The following KCNQ2 variants were observed in gnomAD, a reference collection of about 807,000 sequenced individuals.
The protein encoded by KCNQ2 is potassium voltage-gated channel subfamily KQT member 2.
In KCNQ2, 14 loss-of-function variants were observed where a neutral mutation model predicts 84.8. The observed-to-expected ratio is 0.17, with a 90% confidence interval of 0.11 to 0.26. The LOEUF (loss-of-function observed/expected upper bound fraction) is 0.26, where lower values mean the gene tolerates loss of function less well. Among genes scored for constraint, KCNQ2 ranks in the 10% least tolerant of loss-of-function variants. KCNQ2 has a pLI of 1.00. For missense variants in KCNQ2, 788 were observed against 1,254.0 expected (o/e 0.63, Z 5.61); for synonymous variants, 599 against 554.1 (o/e 1.08, Z -1.14).
chr20:63,445,123 G>T (rs899208384), intron 3 of KCNQ2, 115 bp downstream of exon 3: 8 of 1,401,292 alleles, frequency 5.7e-6, no homozygotes, highest in Non-Finnish European at 8.0e-6. Flanking sequence ...TCCAGAAGGA[G>T]CCAGTCCTGC....
At chr20:63,428,317 C>T (rs768959578) in intron 10 of KCNQ2, 50 bp downstream of exon 10, 2 of 1,441,416 alleles carry the variant, frequency 1.4e-6, no homozygotes, top group African/African-American at 2.8e-5. Context: ...GCTGGGGCCC[C>T]CAGGAGGACT....
chr20:63,441,768 A>T (rs955910253), intron 5 of KCNQ2, among the ~76,000 whole-genome samples: 1 of 152,210 alleles, frequency 6.6e-6, no homozygotes, highest in Non-Finnish European at 1.5e-5. Context: ...GGTCTCATGA[A>T]ATTAATAAAA....
Position 63,401,051 on chromosome 20 carries a change from G to A in KCNQ2, c.*5593C>T, listed in dbSNP as rs934136371. On this transcript the variant is annotated 3_prime_UTR_variant, in exon 17 of 17. Coordinates refer to ENST00000359125, the MANE Select transcript of KCNQ2 (RefSeq NM_172107.4). Reference sequence around the variant, plus strand: ...CGGGGACCGGCCCCTCCTTGCTGGCGCCTGGCCGAGAGTCAGACGCTGAGG... The same window carrying A: ...CGGGGACCGGCCCCTCCTTGCTGGCACCTGGCCGAGAGTCAGACGCTGAGG... The A allele has an allele frequency of 2.8e-5, 11 of 394,894 alleles. No individual in the cohort carries two copies. Among genetic ancestry groups the A allele is most frequent in the East Asian group, 7.2e-5 (2 of 27,902 alleles). The allele number at this position is 394,894 out of a possible 1,614,324, so 24.5% of individuals were successfully genotyped here.
At position 63,446,573 on chromosome 20, in the gene KCNQ2, T is replaced by C. The variant is rs139749415; in HGVS notation, c.387+174A>G. ...TTACAGCCAGGGTGGGGCTGGGGCA[T>C]AGCCCGGGCTGTGGGGCTGGGGGCA... is the stretch of plus-strand genomic sequence containing the variant. On this transcript the variant is annotated intron_variant, in intron 2 of 16. Coordinates refer to ENST00000359125, the MANE Select transcript of KCNQ2 (RefSeq NM_172107.4). The surrounding 1 kb of genome is among the most constrained non-coding windows in gnomAD (Gnocchi z 5.5). 1.7e-3 allele frequency among the ~76,000 whole-genome samples: 256 copies of C among 151,956 alleles called. 1 individual carries two copies. The highest frequency in any genetic ancestry group is 5.7e-3 in the African/African-American group (238 of 41,436).
chr20:63,419,405 G>T (rs918689539), intron 12 of KCNQ2, among the ~76,000 whole-genome samples: 1 of 152,238 alleles, frequency 6.6e-6, no homozygotes, highest in Non-Finnish European at 1.5e-5. Flanking sequence ...ATCGCCTGGC[G>T]TGGGGAGCAA....
chr20:63,437,993 A>G (rs1440494447), intron 7 of KCNQ2, among the ~76,000 whole-genome samples: 1 of 152,090 alleles, frequency 6.6e-6, no homozygotes, highest in Non-Finnish European at 1.5e-5. Context: ...TATTTTTAGG[A>G]GAGACAGGGT....
At chr20:63,443,138 TC>T (rs2081280963) in intron 4 of KCNQ2, among the ~76,000 whole-genome samples, 1 of 20,330 alleles carries the variant, frequency 4.9e-5, no homozygotes, top group Non-Finnish European at 9.3e-5. Flanking sequence ...ACCACCATCA[TC>T]ACCACCACCA....
chr20:63,420,799 G>A (rs942466036), intron 11 of KCNQ2, among the ~76,000 whole-genome samples: 6 of 151,616 alleles, frequency 4.0e-5, no homozygotes, highest in African/African-American at 9.7e-5. Flanking sequence ...CCCCCGTGCC[G>A]GTCCGGCTTT....
intron 15 of KCNQ2, chr20:63,413,194 C>G: frequency 3.7e-6 from 2 of 538,946 alleles, no homozygotes; most frequent in Non-Finnish European, 7.0e-6. Context: ...CATGCACACA[C>G]ACATTTTCAG....
intron 12 of KCNQ2, 54 bp downstream of exon 12, chr20:63,419,560 AGGGAG>A: frequency 6.6e-7 from 1 of 1,521,762 alleles, no homozygotes; most frequent in Admixed American, 1.9e-5. Context: ...TCTAGTAAGC[AGGGAG>A]GGGCAGAGGA....
At chr20:63,461,369 T>C (rs1468412505) in intron 1 of KCNQ2, among the ~76,000 whole-genome samples, 5 of 152,138 alleles carry the variant, frequency 3.3e-5, no homozygotes, top group Non-Finnish European at 7.4e-5. Flanking sequence ...GCCGGTCGTG[T>C]ACCTTGCCCC....
At chr20:63,432,736 T>TCAGGGAAGGCTCCACCCA (rs1568914318) in intron 8 of KCNQ2, among the ~76,000 whole-genome samples, 1 of 90,464 alleles carries the variant, frequency 1.1e-5, no homozygotes, top group African/African-American at 3.9e-5. Flanking sequence ...GGCTCCACCC[T>TCAGGGAAGGCTCCACCCA]CAGGGAAGGC....
At chr20:63,440,305 G>A (rs932961) in intron 5 of KCNQ2, among the ~76,000 whole-genome samples, 84,758 of 151,964 alleles carry the variant, frequency 0.56, 24,037 homozygotes, top group African/African-American at 0.65. Flanking sequence ...GGGTCCCGGT[G>A]AGCCCAGGAG....
At chr20:63,454,239 G>A (rs1025237981) in intron 1 of KCNQ2, among the ~76,000 whole-genome samples, 4 of 152,186 alleles carry the variant, frequency 2.6e-5, no homozygotes, top group Non-Finnish European at 4.4e-5. Context: ...TCGCCGGCCC[G>A]CAGACCCTGC....
At chr20:63,467,470 G>A (rs146504066) in intron 1 of KCNQ2, among the ~76,000 whole-genome samples, 206 of 152,192 alleles carry the variant, frequency 1.4e-3, no homozygotes, top group Middle Eastern at 0.01. Context: ...GCTCCTCTAC[G>A]GCTGTGGAAT....
chr20:63,406,632 C>T lies in KCNQ2; in HGVS notation c.*12G>A, dbSNP rs771866879. On this transcript the variant is annotated 3_prime_UTR_variant, in exon 17 of 17. Coordinates refer to ENST00000359125, the MANE Select transcript of KCNQ2 (RefSeq NM_172107.4). Reference sequence around the variant, plus strand: ...GGAGGGCCGCGGGCGGGTCCACTGGCCCAGCGCCGCCTCACTTCCTGGGCC... The same window carrying T: ...GGAGGGCCGCGGGCGGGTCCACTGGTCCAGCGCCGCCTCACTTCCTGGGCC... 3.2e-6 allele frequency: 5 copies of T among 1,583,300 alleles called. No individual in the cohort carries two copies. The South Asian group carries it at 5.6e-5, about 18-fold the overall frequency.
At chr20:63,443,138 T>C (rs1344788860) in intron 4 of KCNQ2, among the ~76,000 whole-genome samples, 32 of 20,254 alleles carry the variant, frequency 1.6e-3, no homozygotes, top group East Asian at 7.4e-3. Flanking sequence ...ACCACCATCA[T>C]CACCACCACC....
At position 63,435,422 on chromosome 20, in the gene KCNQ2, C is replaced by A. The variant is rs553537706; in HGVS notation, c.1024-1519G>T. On this transcript the variant is annotated intron_variant, in intron 7 of 16. Transcript: ENST00000359125. ...AAAAAAAAAAAGTTGGCCATCCTAA[C>A]GTGGAGCCTGAAGACGGGACTGAAC... Among the ~76,000 whole-genome samples the A allele has an allele frequency of 5.0e-4, 75 of 149,320 alleles. 1 individual carries two copies. The South Asian group carries it at 9.5e-3, about 19-fold the overall frequency.
chr20:63,429,646 C>G (rs2080734989), intron 9 of KCNQ2, among the ~76,000 whole-genome samples: 1 of 152,238 alleles, frequency 6.6e-6, no homozygotes. Flanking sequence ...TGACCAAACA[C>G]TCAATGGCTC....
Sources: gnomAD v4.1 joint callset for allele counts (sites outside exome capture counted in the v4.1 genomes callset) on GRCh38, gnomAD v4.1.1 for gene constraint, Gnocchi (gnomAD v3.1) non-coding constraint, MANE v1.5 for transcripts, NCBI Gene and HGNC (gene_info 2026-07-23, HGNC 2026-07-21) for gene names.